The following GARIN1A variants were observed in gnomAD, a reference collection of about 807,000 sequenced individuals.
GARIN1A encodes the protein Golgi-associated RAB2 interactor protein 1A.
chr7:128,690,579 C>T, the GARIN1A span: 1 of 152,112 alleles, frequency 6.6e-6, no homozygotes, highest in East Asian at 1.9e-4. Flanking sequence ...ATCACTTTCA[C>T]CCTTAGGTAT....
chr7:128,683,084 A>G, the GARIN1A span: 19 of 1,612,522 alleles, frequency 1.2e-5, no homozygotes, highest in South Asian at 1.9e-4. Flanking sequence ...GCCTCTGGGA[A>G]CAAGAGGACT....
chr7:128,704,667 C>T, the GARIN1A span, among the ~76,000 whole-genome samples: 1 of 152,152 alleles, frequency 6.6e-6, no homozygotes, highest in Non-Finnish European at 1.5e-5. Context: ...ATAGGGTTCG[C>T]ACGCCTATGA....
At chr7:128,682,923 T>C in the GARIN1A span, 1 of 1,441,466 alleles carries the variant, frequency 6.9e-7, no homozygotes, top group South Asian at 1.3e-5. Context: ...CTTTTTCTTC[T>C]ATTGCTTTCA....
chr7:128,682,307 T>G, the GARIN1A span, among the ~76,000 whole-genome samples: 1 of 152,182 alleles, frequency 6.6e-6, no homozygotes, highest in Admixed American at 6.5e-5. Context: ...TGATCTTAAA[T>G]TTTTAGTCCC....
the GARIN1A span, among the ~76,000 whole-genome samples, chr7:128,679,448 C>T: frequency 1.3e-5 from 2 of 152,136 alleles, no homozygotes; most frequent in Admixed American, 1.3e-4. Context: ...ACCTTGGCCT[C>T]CTAAAGTGCT....
the GARIN1A span, chr7:128,691,741 G>C: frequency 6.6e-6 from 1 of 152,224 alleles, no homozygotes; most frequent in Admixed American, 6.5e-5. Context: ...AGTTCTTCTT[G>C]TACCAGGTCC....
At chr7:128,677,600 C>T in the GARIN1A span, 7 of 1,611,760 alleles carry the variant, frequency 4.3e-6, 1 homozygote, top group Middle Eastern at 1.7e-4. Context: ...TACGAATCTA[C>T]GACCGGCTCC....
the GARIN1A span, among the ~76,000 whole-genome samples, chr7:128,708,485 G>T: frequency 6.6e-6 from 1 of 151,672 alleles, no homozygotes; most frequent in Admixed American, 6.6e-5. Context: ...TGTCTCTAAT[G>T]AGACAGTGCT....
the GARIN1A span, among the ~76,000 whole-genome samples, chr7:128,707,212 GTGTA>G: frequency 7.2e-5 from 5 of 69,918 alleles, no homozygotes; most frequent in South Asian, 2.8e-3. Flanking sequence ...TTATTATTGT[GTGTA>G]TGTATGTGTG....
At chr7:128,689,757 C>T in the GARIN1A span, among the ~76,000 whole-genome samples, 4 of 84,858 alleles carry the variant, frequency 4.7e-5, 1 homozygote, top group African/African-American at 1.4e-4. Context: ...TCAGCCCCCG[C>T]CGGCCAGCCA....
chr7:128,676,019 C>CTTTTT, the GARIN1A span, among the ~76,000 whole-genome samples: 1 of 121,562 alleles, frequency 8.2e-6, no homozygotes, highest in Non-Finnish European at 1.8e-5. Flanking sequence ...TATTTAGTAT[C>CTTTTT]TTTTTTTTTT....
the GARIN1A span, chr7:128,677,435 G>C: frequency 3.2e-3 from 3,296 of 1,038,542 alleles, 70 homozygotes; most frequent in African/African-American, 0.048. Context: ...TGAACCCCGG[G>C]GGCAGAGCCT....
chr7:128,677,691 C>G, the GARIN1A span: 1 of 1,613,670 alleles, frequency 6.2e-7, no homozygotes, highest in African/African-American at 1.3e-5. Flanking sequence ...GATTGTGTTT[C>G]AATTCTGGGT....
chr7:128,689,505 C>T, the GARIN1A span, among the ~76,000 whole-genome samples: 1 of 148,862 alleles, frequency 6.7e-6, no homozygotes, highest in East Asian at 2.0e-4. Context: ...AGTGAGGAGC[C>T]CCTCCGCCCG....
the GARIN1A span, among the ~76,000 whole-genome samples, chr7:128,679,789 C>A: frequency 6.6e-6 from 1 of 152,172 alleles, no homozygotes; most frequent in Admixed American, 6.5e-5. Flanking sequence ...TGCCTCTGAA[C>A]GTTCAGATCT....
the GARIN1A span, among the ~76,000 whole-genome samples, chr7:128,699,872 A>G: frequency 3.9e-5 from 6 of 152,182 alleles, no homozygotes; most frequent in Non-Finnish European, 5.9e-5. Context: ...TTCGCTTTAT[A>G]TAGCTTGAGA....
At chr7:128,707,356 C>G in the GARIN1A span, among the ~76,000 whole-genome samples, 1 of 152,030 alleles carries the variant, frequency 6.6e-6, no homozygotes, top group Non-Finnish European at 1.5e-5. Flanking sequence ...AGAACTCATT[C>G]ATCTATCCTA....
At chr7:128,681,280 G>T in the GARIN1A span, among the ~76,000 whole-genome samples, 1 of 152,124 alleles carries the variant, frequency 6.6e-6, no homozygotes. Context: ...CCTCAGTCTG[G>T]CTCCCTATCA....
chr7:128,674,038 C>T, the GARIN1A span, among the ~76,000 whole-genome samples: 6 of 152,042 alleles, frequency 3.9e-5, no homozygotes, highest in Admixed American at 2.6e-4. Context: ...GGACCACAGG[C>T]GTGCACCACC....
Sources: gnomAD v4.1 joint callset for allele counts (sites outside exome capture counted in the v4.1 genomes callset) on GRCh38, gnomAD v4.1.1 for gene constraint, MANE v1.5 for transcripts, NCBI Gene and HGNC (gene_info 2026-07-23, HGNC 2026-07-21) for gene names.